The following RBM34 variants were observed in gnomAD, a reference collection of about 807,000 sequenced individuals.
RBM34 encodes RNA binding motif protein 34.
RBM34 carries 39 observed loss-of-function variants against 44.6 expected under a neutral mutation model. The observed-to-expected ratio is 0.87, with a 90% CI of 0.68 to 1.14. The LOEUF (loss-of-function observed/expected upper bound fraction) is 1.14. Among genes scored for constraint, RBM34 ranks in the 50% most tolerant of loss-of-function variants. The pLI is 0.00. For missense variants in RBM34, 572 were observed against 517.9 expected, an observed-to-expected ratio of 1.10 and a Z score of -1.01; for synonymous variants, 194 against 184.0, an observed-to-expected ratio of 1.05 and a Z score of -0.44.
intron 5 of RBM34, among the ~76,000 whole-genome samples, chr1:235,151,254 G>A (rs1018176653): frequency 2.6e-5 from 4 of 152,156 alleles, no homozygotes; most frequent in African/African-American, 7.2e-5. Context: ...CTGCAGCCTG[G>A]GTGCCACTAA....
Position 235,155,971 on chromosome 1 carries a change from A to G in RBM34, c.366-859T>C, listed in dbSNP as rs139226838. Among the ~76,000 whole-genome samples, 141 of 146,338 alleles carry G rather than the reference A, an allele frequency of 9.6e-4. 1 individual carries two copies. The highest frequency in any genetic ancestry group is 1.9e-3 in the Non-Finnish European group (125 of 66,676). On this transcript the variant is annotated intron_variant, in intron 3 of 10. Coordinates refer to ENST00000408888, the MANE Select transcript of RBM34 (RefSeq NM_015014.4). ...TGCAACCTCCGCCTCTCTGGTTCAC[A>G]ACGATTCTTTTGCCTCAGCCTCCCA...
intron 6 of RBM34, among the ~76,000 whole-genome samples, chr1:235,140,295 C>T (rs913428496): frequency 3.3e-5 from 5 of 152,170 alleles, no homozygotes; most frequent in African/African-American, 1.2e-4. Context: ...GGGAGAGGCG[C>T]GAGTGGGAAC....
intron 6 of RBM34, among the ~76,000 whole-genome samples, chr1:235,143,718 ACAGAG>A (rs1013290514): frequency 3.3e-5 from 5 of 152,208 alleles, no homozygotes; most frequent in Non-Finnish European, 7.3e-5. Flanking sequence ...AGCCTGAGCG[ACAGAG>A]CAAGACTCCA....
Position 235,131,222 on chromosome 1 carries a change from G to C in RBM34, c.*491C>G, listed in dbSNP as rs77517931. 0.01 allele frequency: 1,554 copies of C among 154,046 alleles called. 12 individuals carry two copies. Among genetic ancestry groups the C allele is most frequent in the Middle Eastern group, 0.03 (9 of 298 alleles). The allele number at this position is 154,046 out of a possible 1,614,324, so 9.5% of individuals were successfully genotyped here. On this transcript the variant is annotated 3_prime_UTR_variant, in exon 11 of 11. Transcript: ENST00000408888. ...GAGGTTTAATAGGCAAAAGAGAAAG[G>C]AGGCTTGGGTGCAGTGACTCACGCC...
intron 6 of RBM34, among the ~76,000 whole-genome samples, chr1:235,146,502 C>T (rs1286997981): frequency 6.6e-6 from 1 of 152,140 alleles, no homozygotes; most frequent in Non-Finnish European, 1.5e-5. Context: ...GGAAGAAGAA[C>T]ATCTATGCGT....
intron 3 of RBM34, among the ~76,000 whole-genome samples, chr1:235,158,937 G>A (rs1662569232): frequency 6.7e-6 from 1 of 149,866 alleles, no homozygotes; most frequent in Non-Finnish European, 1.5e-5. Context: ...GGGCAACATA[G>A]CAAGACCCTG....
intron 7 of RBM34, 47 bp downstream of exon 7, chr1:235,138,044 A>G: frequency 6.4e-7 from 1 of 1,561,012 alleles, no homozygotes; most frequent in Non-Finnish European, 8.8e-7. Flanking sequence ...GTACTCATAC[A>G]TACTTATAGG....
At chr1:235,136,791 A>G (rs189822827) in intron 8 of RBM34, among the ~76,000 whole-genome samples, 48 of 152,342 alleles carry the variant, frequency 3.2e-4, no homozygotes, top group Non-Finnish European at 5.1e-4. Context: ...CACGGTAGAC[A>G]AGGTCTTCAT....
At position 235,131,918 on chromosome 1, in the gene RBM34, A is replaced by G. The variant is rs1412767267; in HGVS notation, c.1088T>C (p.Val363Ala). 6.2e-7 allele frequency: 1 copy of G among 1,613,592 alleles called. No individual in the cohort carries two copies. Among genetic ancestry groups the G allele is most frequent in the East Asian group, 2.2e-5 (1 of 44,874 alleles). ...MGRKLRVMRS[V>A]NKEKFKQQNS... Reference sequence around the variant, plus strand: ...TTGTTGTTTAAATTTTTCTTTATTAACAGAACGCATGACTCTGAGTTTTCT... The same window carrying G: ...TTGTTGTTTAAATTTTTCTTTATTAGCAGAACGCATGACTCTGAGTTTTCT... The change falls in exon 11 of 11, where the codon GTT becomes GCT. Residue 363 changes from valine to alanine, a missense_variant. Physicochemically the swap from Val to Ala is moderately conservative, Grantham distance 64 (BLOSUM62 0). Coordinates refer to ENST00000408888, the MANE Select transcript of RBM34 (RefSeq NM_015014.4).
At chr1:235,143,135 C>T (rs192205701) in intron 6 of RBM34, among the ~76,000 whole-genome samples, 72 of 152,160 alleles carry the variant, frequency 4.7e-4, no homozygotes, top group African/African-American at 1.6e-3. Flanking sequence ...AAATAGTAAG[C>T]ACATAAGATG....
intron 5 of RBM34, among the ~76,000 whole-genome samples, chr1:235,150,828 A>T (rs1430104923): frequency 6.6e-6 from 1 of 152,188 alleles, no homozygotes; most frequent in Non-Finnish European, 1.5e-5. Context: ...GGTGCTGTCA[A>T]ATGCATAGCA....
At chr1:235,143,506 C>G (rs1406052063) in intron 6 of RBM34, among the ~76,000 whole-genome samples, 1 of 152,256 alleles carries the variant, frequency 6.6e-6, no homozygotes, top group East Asian at 1.9e-4. Flanking sequence ...CAGTCTGAGG[C>G]GGGCGGATCA....
At chr1:235,155,140 A>C in intron 3 of RBM34, 28 bp from the exon 4 acceptor site, 4 of 1,579,392 alleles carry the variant, frequency 2.5e-6, no homozygotes, top group Non-Finnish European at 3.5e-6. Context: ...TAAAATAAGC[A>C]GTAAGAGTCA....
Position 235,160,493 on chromosome 1 carries a change from T to C in RBM34, c.365+18A>G. ...ACCATCTAATTTCTTTAACATCAAATAAGAGAATTTTACCAACCTGTCTGC... is the reference window on the plus strand; with the variant it reads ...ACCATCTAATTTCTTTAACATCAAACAAGAGAATTTTACCAACCTGTCTGC... On this transcript the variant is annotated intron_variant, in intron 3 of 10. Coordinates refer to ENST00000408888, the MANE Select transcript of RBM34 (RefSeq NM_015014.4). 1 of 1,603,576 alleles carries C rather than the reference T, an allele frequency of 6.2e-7. No individual in the cohort carries two copies. Among genetic ancestry groups the C allele is most frequent in the East Asian group, 2.2e-5 (1 of 44,802 alleles).
intron 4 of RBM34, among the ~76,000 whole-genome samples, chr1:235,154,059 G>A (rs184286032): frequency 1.1e-4 from 16 of 152,054 alleles, no homozygotes; most frequent in Non-Finnish European, 1.6e-4. Flanking sequence ...ATCCTGGCTA[G>A]CACAGTGAAA....
At chr1:235,141,387 G>A (rs558536836) in intron 6 of RBM34, among the ~76,000 whole-genome samples, 1 of 152,286 alleles carries the variant, frequency 6.6e-6, no homozygotes, top group Admixed American at 6.5e-5. Context: ...GAACCTTTGT[G>A]TCGATACTCT....
chr1:235,140,567 A>G (rs1661640098), intron 6 of RBM34, among the ~76,000 whole-genome samples: 1 of 152,168 alleles, frequency 6.6e-6, no homozygotes, highest in Admixed American at 6.5e-5. Context: ...GCTATGCCTG[A>G]GCCTCCCACC....
At chr1:235,148,669 G>A (rs1423012391) in intron 5 of RBM34, among the ~76,000 whole-genome samples, 2 of 151,712 alleles carry the variant, frequency 1.3e-5, no homozygotes, top group African/African-American at 4.8e-5. Flanking sequence ...CATGATGTCG[G>A]CTCATTGCAA....
At chr1:235,156,656 G>C (rs1662459910) in intron 3 of RBM34, 1 of 463,232 alleles carries the variant, frequency 2.2e-6, no homozygotes, top group African/African-American at 2.0e-5. Flanking sequence ...GATAAGCAAG[G>C]TCTGAGCATC....
Sources: gnomAD v4.1 joint callset for allele counts (sites outside exome capture counted in the v4.1 genomes callset) on GRCh38, gnomAD v4.1.1 for gene constraint, MANE v1.5 for transcripts, NCBI Gene and HGNC (gene_info 2026-07-23, HGNC 2026-07-21) for gene names.